IL15: variants seen among roughly 807,000 people sequenced by gnomAD.
IL15 encodes the protein interleukin-15.
Under a neutral mutation model 19.6 loss-of-function variants are expected in IL15, and 11 were observed. The ratio of observed to expected loss-of-function variants is 0.56; its 90% confidence interval spans 0.35 to 0.93. The LOEUF (loss-of-function observed/expected upper bound fraction) is 0.93. Among genes scored for constraint, IL15 ranks in the 40% least tolerant of loss-of-function variants. The probability of loss-of-function intolerance (pLI) is 0.01; values close to 1 mark genes in which losing one functional copy is unlikely to be tolerated. For missense variants in IL15, 197 were observed against 186.5 expected (o/e 1.06, Z -0.33); for synonymous variants, 58 against 59.6 (o/e 0.97, Z 0.12).
At chr4:141,640,382 A>G (rs920539753) in intron 1 of IL15, among the ~76,000 whole-genome samples, 2 of 151,926 alleles carry the variant, frequency 1.3e-5, no homozygotes, top group African/African-American at 4.8e-5. Flanking sequence ...CTCCACTGAG[A>G]TTTATCTTGA....
intron 2 of IL15, among the ~76,000 whole-genome samples, chr4:141,661,589 C>G (rs1404436665): frequency 6.6e-6 from 1 of 152,148 alleles, no homozygotes; most frequent in East Asian, 1.9e-4. Context: ...TGGGATTTTT[C>G]TCCTTGTATG....
At chr4:141,672,007 A>G (rs1425628408) in intron 2 of IL15, among the ~76,000 whole-genome samples, 1 of 152,188 alleles carries the variant, frequency 6.6e-6, no homozygotes, top group Non-Finnish European at 1.5e-5. Context: ...TTCTGTGTAC[A>G]GTGGCTAACA....
At chr4:141,647,742 T>A (rs1235370453) in intron 1 of IL15, among the ~76,000 whole-genome samples, 1 of 152,072 alleles carries the variant, frequency 6.6e-6, no homozygotes, top group East Asian at 1.9e-4. Flanking sequence ...TACATAGGGA[T>A]CATCTTTAAA....
chr4:141,659,113 T>G (rs1727704641), intron 2 of IL15, among the ~76,000 whole-genome samples: 1 of 151,968 alleles, frequency 6.6e-6, no homozygotes. Flanking sequence ...CCTCCCAAAG[T>G]GCTGGGATTA....
At chr4:141,710,790 GTT>G (rs1169220760) in intron 2 of IL15, among the ~76,000 whole-genome samples, 2 of 148,326 alleles carry the variant, frequency 1.3e-5, no homozygotes, top group African/African-American at 5.0e-5. Context: ...TCTGGCTTGG[GTT>G]TTTTTTTCAT....
intron 7 of IL15, among the ~76,000 whole-genome samples, chr4:141,732,522 C>T (rs771268482): frequency 6.6e-6 from 1 of 152,196 alleles, no homozygotes; most frequent in African/African-American, 2.4e-5. Flanking sequence ...GCTTATTTTT[C>T]TCAATGTCCT....
At chr4:141,664,932 C>T (rs987977128) in intron 2 of IL15, among the ~76,000 whole-genome samples, 3 of 151,934 alleles carry the variant, frequency 2.0e-5, no homozygotes, top group African/African-American at 7.3e-5. Flanking sequence ...AAAAATTTCA[C>T]CTCTTTTGAT....
At chr4:141,650,056 T>G (rs1727353656) in intron 1 of IL15, among the ~76,000 whole-genome samples, 1 of 152,002 alleles carries the variant, frequency 6.6e-6, no homozygotes, top group African/African-American at 2.4e-5. Context: ...TATTGAGTGT[T>G]TACCTATGTG....
At chr4:141,720,759 G>T (rs1730048305) in intron 4 of IL15, 193 bp downstream of exon 4, 2 of 599,284 alleles carry the variant, frequency 3.3e-6, no homozygotes, top group Non-Finnish European at 5.8e-6. Context: ...TTTCTACATT[G>T]TGGTAATAGT....
In IL15 at chr4:141,721,988, A is replaced by G; in HGVS notation, c.175A>G (p.Lys59Glu). ...NWVNVISDLK[K>E]IEDLIQSMHI... ...GGTGAATGTAATAAGTGATTTGAAA[A>G]AAATTGAAGATCTTATTCAAGTGAG... is the stretch of plus-strand genomic sequence containing the variant. Residue 59 changes from lysine (K) to glutamate (E), a missense_variant, in exon 5 of 8, where the codon AAA (lysine) becomes GAA (glutamate). By Grantham distance (56) the Lys-to-Glu change is moderately conservative. Transcript: ENST00000320650. 6.3e-7 allele frequency: 1 copy of G among 1,592,478 alleles called. No homozygotes were observed. Among genetic ancestry groups the G allele is most frequent in the South Asian group, 1.1e-5 (1 of 88,856 alleles).
intron 2 of IL15, among the ~76,000 whole-genome samples, chr4:141,692,559 G>T (rs1026840478): frequency 6.6e-6 from 1 of 152,086 alleles, no homozygotes; most frequent in Non-Finnish European, 1.5e-5. Flanking sequence ...ACCTCTTAAT[G>T]CTTTGCTGTT....
chr4:141,661,690 G>A (rs943937280), intron 2 of IL15, among the ~76,000 whole-genome samples: 7 of 152,152 alleles, frequency 4.6e-5, no homozygotes, highest in African/African-American at 1.2e-4. Flanking sequence ...TTCTCTGCCT[G>A]GGTGTGACCT....
chr4:141,690,195 G>C (rs1003975337), intron 2 of IL15, among the ~76,000 whole-genome samples: 2 of 152,192 alleles, frequency 1.3e-5, no homozygotes, highest in East Asian at 3.9e-4. Context: ...ACTCCAGCTG[G>C]CCCGCAAGCG....
chr4:141,665,079 A>G (rs1456697737), intron 2 of IL15, among the ~76,000 whole-genome samples: 1 of 151,988 alleles, frequency 6.6e-6, no homozygotes, highest in Non-Finnish European at 1.5e-5. Context: ...TAATTCCTTA[A>G]TATGTTAAGG....
chr4:141,672,232 CTTTAT>C (rs1226644564), intron 2 of IL15, among the ~76,000 whole-genome samples: 1 of 152,110 alleles, frequency 6.6e-6, no homozygotes, highest in African/African-American at 2.4e-5. Context: ...ATTCTTGTTA[CTTTAT>C]TATTACACTG....
At chr4:141,676,926 A>G (rs981176526) in intron 2 of IL15, among the ~76,000 whole-genome samples, 6 of 152,240 alleles carry the variant, frequency 3.9e-5, no homozygotes, top group African/African-American at 1.4e-4. Flanking sequence ...GGAAGAAGAC[A>G]TATTATAAAA....
chr4:141,706,653 A>C (rs1220440244), intron 2 of IL15, among the ~76,000 whole-genome samples: 1 of 150,634 alleles, frequency 6.6e-6, no homozygotes, highest in Non-Finnish European at 1.5e-5. Flanking sequence ...GAATGTCTTC[A>C]TTTCTCCTTC....
At chr4:141,692,898 A>G (rs533957470) in intron 2 of IL15, among the ~76,000 whole-genome samples, 1 of 151,760 alleles carries the variant, frequency 6.6e-6, no homozygotes, top group Admixed American at 6.6e-5. Flanking sequence ...TTATCTTTGT[A>G]GCAGTACCCC....
At position 141,695,625 on chromosome 4, in the gene IL15, C is replaced by T. The variant is rs117969665; in HGVS notation, c.-99-23741C>T. ...TGGATTGCTGGATCCTATGGTAGTTCTGTTTTTAATTGTTTGAGGAACCTC... is the reference window on the plus strand; with the variant it reads ...TGGATTGCTGGATCCTATGGTAGTTTTGTTTTTAATTGTTTGAGGAACCTC... On this transcript the variant is annotated intron_variant, in intron 2 of 7. Transcript: ENST00000320650. 1.5e-4 allele frequency among the ~76,000 whole-genome samples: 23 copies of T among 152,066 alleles called. No individual in the cohort carries two copies. In the East Asian group the frequency reaches 4.5e-3, roughly 29 times the overall value.
Sources: gnomAD v4.1 joint callset for allele counts (sites outside exome capture counted in the v4.1 genomes callset) on GRCh38, gnomAD v4.1.1 for gene constraint, MANE v1.5 for transcripts, NCBI Gene and HGNC (gene_info 2026-07-23, HGNC 2026-07-21) for gene names.